The following SYT16 variants were observed in gnomAD, a reference collection of about 807,000 sequenced individuals.
SYT16 encodes synaptotagmin 16, also known as synaptotagmin-16.
Under a neutral mutation model 61.4 loss-of-function variants are expected in SYT16, and 42 were observed. The observed-to-expected ratio is 0.68, with a 90% CI of 0.53 to 0.89. The LOEUF is 0.89. Ranked by LOEUF, SYT16 falls within the 40% of genes least tolerant of loss-of-function variation. The pLI is 0.00. For synonymous variants in SYT16, 314 were observed against 302.3 expected (o/e 1.04, Z -0.40); for missense variants, 804 against 807.3 (o/e 1.00, Z 0.05).
intron 3 of SYT16, among the ~76,000 whole-genome samples, chr14:62,043,617 C>A (rs920834423): frequency 2.0e-5 from 3 of 152,002 alleles, no homozygotes; most frequent in Admixed American, 6.6e-5. Flanking sequence ...CTATGTTAGC[C>A]AGGATGGTCT....
chr14:61,845,039 C>CTTTTTTTTTT (rs35131511), intron 1 of SYT16, among the ~76,000 whole-genome samples: 2 of 97,620 alleles, frequency 2.0e-5, no homozygotes, highest in African/African-American at 4.8e-5. Flanking sequence ...TACTAGAAGA[C>CTTTTTTTTTT]TTTTTTTTTT....
chr14:61,960,376 T>C (rs1173203206), intron 1 of SYT16, among the ~76,000 whole-genome samples: 2 of 152,218 alleles, frequency 1.3e-5, no homozygotes, highest in African/African-American at 4.8e-5. Flanking sequence ...TCTAATTTCT[T>C]TGAGCAGTGT....
intron 1 of SYT16, among the ~76,000 whole-genome samples, chr14:61,917,883 T>C (rs1453581924): frequency 6.6e-6 from 1 of 152,182 alleles, no homozygotes; most frequent in Non-Finnish European, 1.5e-5. Context: ...ATGAAGTTCA[T>C]TTATGTTTCA....
At chr14:62,029,361 A>G (rs2054222675) in intron 3 of SYT16, among the ~76,000 whole-genome samples, 1 of 152,186 alleles carries the variant, frequency 6.6e-6, no homozygotes, top group Admixed American at 6.5e-5. Context: ...AAAGAGCATC[A>G]TGTTCTTCCA....
In SYT16 at chr14:61,909,751, T is replaced by C. The variant is rs544937556; in HGVS notation, c.-324-60381T>C. ...ACTGTAAAACTGGAAGCAAATTGTATGTAATATAGCTTGTAATGGCCCGAG... is the reference window on the plus strand; with the variant it reads ...ACTGTAAAACTGGAAGCAAATTGTACGTAATATAGCTTGTAATGGCCCGAG... On this transcript the variant is annotated intron_variant, in intron 1 of 7. Coordinates refer to ENST00000683842, the MANE Select transcript of SYT16 (RefSeq NM_001367656.1). Among the ~76,000 whole-genome samples, 336 of 152,344 alleles carry C rather than the reference T, an allele frequency of 2.2e-3. 4 individuals carry two copies. Among genetic ancestry groups the C allele is most frequent in the African/African-American group, 7.7e-3 (321 of 41,586 alleles).
intron 3 of SYT16, among the ~76,000 whole-genome samples, chr14:62,034,030 T>C (rs572865811): frequency 6.6e-6 from 1 of 152,254 alleles, no homozygotes; most frequent in East Asian, 1.9e-4. Flanking sequence ...CCAATTAAAA[T>C]GGGCAGAGAA....
intron 3 of SYT16, among the ~76,000 whole-genome samples, chr14:62,053,936 A>G (rs916865723): frequency 2.6e-5 from 4 of 152,204 alleles, no homozygotes; most frequent in Admixed American, 2.0e-4. Context: ...TATTTTCATC[A>G]TGAATCAGGA....
At chr14:61,911,468 C>T (rs1034272137) in intron 1 of SYT16, among the ~76,000 whole-genome samples, 2 of 152,168 alleles carry the variant, frequency 1.3e-5, no homozygotes, top group African/African-American at 4.8e-5. Flanking sequence ...CATCCTCATT[C>T]AGCAAGGCAA....
At chr14:62,078,155 C>CTCTCTCTATATATATATATATATATA (rs766089633) in intron 5 of SYT16, among the ~76,000 whole-genome samples, 1 of 135,936 alleles carries the variant, frequency 7.4e-6, no homozygotes, top group African/African-American at 2.9e-5. Context: ...CTCTCTCTCT[C>CTCTCTCTATATATATATATATATATA]TATATATATA....
At chr14:61,919,588 C>G (rs1044098529) in intron 1 of SYT16, among the ~76,000 whole-genome samples, 1 of 152,202 alleles carries the variant, frequency 6.6e-6, no homozygotes, top group African/African-American at 2.4e-5. Flanking sequence ...GTTGAGTTCT[C>G]ATGCTGCCAT....
chr14:61,988,377 G>A (rs1366991592), intron 2 of SYT16, among the ~76,000 whole-genome samples: 1 of 152,232 alleles, frequency 6.6e-6, no homozygotes, highest in Non-Finnish European at 1.5e-5. Context: ...TCCCCCTGGA[G>A]ATGCTGAAGA....
At position 61,996,049 on chromosome 14, in the gene SYT16, T is replaced by G; in HGVS notation, c.30T>G (p.Val10=). Residue 10 remains valine, a synonymous_variant, in exon 3 of 8, where the codon GTT becomes GTG. Transcript: ENST00000683842. ...TGTTGGCCATGGCGTCTCAGGATGT[T>G]CAGAACTTCTTCCAGCCTTTCTCTT... MVLAMASQD[V]QNFFQPFSSW... 1.2e-6 allele frequency: 2 copies of G among 1,606,624 alleles called. No individual in the cohort carries two copies. Among genetic ancestry groups the G allele is most frequent in the Non-Finnish European group, 1.7e-6 (2 of 1,175,982 alleles).
intron 3 of SYT16, among the ~76,000 whole-genome samples, chr14:62,030,953 A>G (rs2054288889): frequency 2.0e-5 from 3 of 152,174 alleles, no homozygotes; most frequent in Admixed American, 1.3e-4. Context: ...GGCTACTTTG[A>G]GCCTGCTAAC....
intron 1 of SYT16, among the ~76,000 whole-genome samples, chr14:61,965,785 G>T (rs1002954890): frequency 2.0e-5 from 3 of 151,542 alleles, no homozygotes; most frequent in Non-Finnish European, 4.4e-5. Flanking sequence ...AGTTGAAATA[G>T]AATAAATTAT....
intron 3 of SYT16, among the ~76,000 whole-genome samples, chr14:62,069,300 G>A (rs543494872): frequency 1.3e-4 from 20 of 152,264 alleles, no homozygotes; most frequent in African/African-American, 4.3e-4. Context: ...TTTAAGCAGC[G>A]TAACAAATCA....
intron 1 of SYT16, among the ~76,000 whole-genome samples, chr14:61,962,679 C>T (rs569198106): frequency 3.9e-5 from 6 of 152,060 alleles, no homozygotes; most frequent in Admixed American, 3.9e-4. Flanking sequence ...GTCTTGTAAA[C>T]TTTCTTTACT....
At chr14:61,848,785 C>T (rs2046521808) in intron 1 of SYT16, among the ~76,000 whole-genome samples, 1 of 152,084 alleles carries the variant, frequency 6.6e-6, no homozygotes, top group Non-Finnish European at 1.5e-5. Context: ...CCACAGGGGC[C>T]CACTTAGGGC....
chr14:61,964,450 G>A (rs1261638457), intron 1 of SYT16, among the ~76,000 whole-genome samples: 1 of 152,152 alleles, frequency 6.6e-6, no homozygotes. Flanking sequence ...AATTAGAAAT[G>A]GAGCCTAACG....
intron 1 of SYT16, among the ~76,000 whole-genome samples, chr14:61,938,665 G>A (rs554054452): frequency 6.6e-6 from 1 of 152,298 alleles, no homozygotes; most frequent in South Asian, 2.1e-4. Flanking sequence ...AGGAATTTGG[G>A]CTTTATATTG....
Sources: gnomAD v4.1 joint callset for allele counts (sites outside exome capture counted in the v4.1 genomes callset) on GRCh38, gnomAD v4.1.1 for gene constraint, MANE v1.5 for transcripts, NCBI Gene and HGNC (gene_info 2026-07-23, HGNC 2026-07-21) for gene names.